NAALADL2: variants seen among roughly 807,000 people sequenced by gnomAD.
The protein encoded by NAALADL2 is inactive N-acetylated-alpha-linked acidic dipeptidase-like protein 2.
A neutral mutation model predicts 87.2 loss-of-function variants in NAALADL2; 76 were observed. The observed-to-expected ratio is 0.87, with a 90% CI of 0.72 to 1.05. NAALADL2 has a LOEUF of 1.05. Ranked by LOEUF, NAALADL2 falls within the 50% of genes least tolerant of loss-of-function variation. The pLI is 0.00. For missense variants in NAALADL2, 1,089 were observed against 945.8 expected (o/e 1.15, Z -1.99); for synonymous variants, 354 against 331.0 (o/e 1.07, Z -0.75).
chr3:175,445,388 C>T (rs1230009862), intron 5 of NAALADL2, among the ~76,000 whole-genome samples: 2 of 152,054 alleles, frequency 1.3e-5, no homozygotes, highest in African/African-American at 4.8e-5. Flanking sequence ...CCTTCTCCTC[C>T]TCTACCCTGT....
chr3:175,174,769 ATGTGTG>A (rs140644156), intron 2 of NAALADL2, among the ~76,000 whole-genome samples: 8 of 143,410 alleles, frequency 5.6e-5, no homozygotes, highest in African/African-American at 1.0e-4. Flanking sequence ...TATGCTATTC[ATGTGTG>A]TGTGTGTGTG....
In NAALADL2 at chr3:175,128,838, T is replaced by C. The variant is rs1052680224; in HGVS notation, c.545+31547T>C. On this transcript the variant is annotated intron_variant, in intron 2 of 13. Coordinates refer to ENST00000454872, the MANE Select transcript of NAALADL2 (RefSeq NM_207015.3). ...AAATTTATTAAATTTTATTTTTATTTAAAATATTTAACTCACAAAAAATGT... is the reference window on the plus strand; with the variant it reads ...AAATTTATTAAATTTTATTTTTATTCAAAATATTTAACTCACAAAAAATGT... 5.9e-5 allele frequency among the ~76,000 whole-genome samples: 9 copies of C among 152,152 alleles called. No homozygotes were observed. In the East Asian group the frequency reaches 1.7e-3, roughly 29 times the overall value.
intron 6 of NAALADL2, among the ~76,000 whole-genome samples, chr3:175,453,420 TG>T (rs1360439109): frequency 2.0e-5 from 3 of 152,134 alleles, no homozygotes; most frequent in African/African-American, 7.2e-5. Context: ...CTTGCATGTC[TG>T]TGTCTCTAAG....
At chr3:175,050,934 A>T (rs766323128) in intron 1 of NAALADL2, among the ~76,000 whole-genome samples, 11 of 152,234 alleles carry the variant, frequency 7.2e-5, no homozygotes, top group Non-Finnish European at 1.6e-4. Context: ...TGAAGAATAA[A>T]AAAAATAATA....
At chr3:174,791,721 T>A (rs73174750) in intron 3 of NAALADL2, among the ~76,000 whole-genome samples, 1,682 of 152,326 alleles carry the variant, frequency 0.011, 17 homozygotes, top group Non-Finnish European at 0.018. Flanking sequence ...TTAGCTTTTT[T>A]AAAATTGTGA....
chr3:174,933,008 T>C (rs1242244720), intron 1 of NAALADL2, among the ~76,000 whole-genome samples: 1 of 152,098 alleles, frequency 6.6e-6, no homozygotes, highest in Non-Finnish European at 1.5e-5. Flanking sequence ...TCCCAGCTAC[T>C]TGGGAGGCTG....
At chr3:174,794,911 C>G (rs1015584573) in intron 3 of NAALADL2, among the ~76,000 whole-genome samples, 4 of 138,486 alleles carry the variant, frequency 2.9e-5, no homozygotes, top group African/African-American at 1.1e-4. Context: ...AATGTACTTG[C>G]AAAAGACAAA....
intron 3 of NAALADL2, among the ~76,000 whole-genome samples, chr3:175,250,444 T>G (rs959498031): frequency 2.0e-5 from 3 of 152,168 alleles, no homozygotes; most frequent in Admixed American, 6.5e-5. Context: ...CCATCCAGCC[T>G]ATGGTATTTT....
chr3:174,705,818 C>T (rs971514185), intron 2 of NAALADL2, among the ~76,000 whole-genome samples: 20 of 151,394 alleles, frequency 1.3e-4, no homozygotes, highest in African/African-American at 4.8e-4. Flanking sequence ...TTCTGGGTCT[C>T]TTAAATTATC....
chr3:175,794,723 A>T (rs1430059059), intron 13 of NAALADL2, among the ~76,000 whole-genome samples: 1 of 152,242 alleles, frequency 6.6e-6, no homozygotes, highest in Non-Finnish European at 1.5e-5. Context: ...TATTTTAATT[A>T]TAAATGCAAA....
At chr3:174,739,944 G>A (rs1283336349) in intron 3 of NAALADL2, among the ~76,000 whole-genome samples, 6 of 152,008 alleles carry the variant, frequency 3.9e-5, no homozygotes. Flanking sequence ...TGAAATGTTA[G>A]CAGTTAAAGT....
intron 1 of NAALADL2, among the ~76,000 whole-genome samples, chr3:175,046,473 A>G (rs1299403772): frequency 6.6e-6 from 1 of 152,016 alleles, no homozygotes; most frequent in East Asian, 1.9e-4. Context: ...AAATAATATG[A>G]ATGTCTGGTT....
chr3:174,764,943 A>C (rs2109085692), intron 3 of NAALADL2, among the ~76,000 whole-genome samples: 1 of 152,306 alleles, frequency 6.6e-6, no homozygotes, highest in South Asian at 2.1e-4. Flanking sequence ...TTAGAGACAA[A>C]CATTGTTACA....
At chr3:175,787,636 G>A (rs368896782) in intron 13 of NAALADL2, among the ~76,000 whole-genome samples, 6 of 152,138 alleles carry the variant, frequency 3.9e-5, no homozygotes, top group Admixed American at 6.5e-5. Context: ...AGATGAACCC[G>A]GTACCTCAGA....
At chr3:174,870,060 TGTGA>T (rs36046078) in intron 1 of NAALADL2, among the ~76,000 whole-genome samples, 40,293 of 147,194 alleles carry the variant, frequency 0.27, 5,588 homozygotes, top group Admixed American at 0.32. Context: ...TTCACAGAGA[TGTGA>T]GTGAGTTTGT....
intron 1 of NAALADL2, among the ~76,000 whole-genome samples, chr3:174,948,424 G>A (rs145395432): frequency 0.032 from 4,812 of 152,190 alleles, 83 homozygotes; most frequent in South Asian, 0.044. Flanking sequence ...TGATCCACCC[G>A]CCTCGGCCTC....
rs182894676 is a variant in NAALADL2, at chr3:175,311,627, C to T, written c.940-12548C>T. ...ACCCTCTTTCCTTCCTTCTTCCCTC[C>T]CTCCCTTTATCCCTTCCTCTCTCCC... On this transcript the variant is annotated intron_variant, in intron 4 of 13. Transcript: ENST00000454872. 2.2e-4 allele frequency among the ~76,000 whole-genome samples: 33 copies of T among 151,100 alleles called. 1 individual carries two copies. The highest frequency in any genetic ancestry group is 7.3e-4 in the African/African-American group (30 of 41,116).
intron 1 of NAALADL2, among the ~76,000 whole-genome samples, chr3:174,962,330 G>C (rs1742126688): frequency 9.3e-6 from 1 of 107,944 alleles, no homozygotes; most frequent in Non-Finnish European, 2.0e-5. Flanking sequence ...TAACACCAAA[G>C]TATTGTTGTT....
intron 3 of NAALADL2, among the ~76,000 whole-genome samples, chr3:174,831,007 G>T (rs985361213): frequency 1.7e-4 from 25 of 150,664 alleles, no homozygotes; most frequent in African/African-American, 5.7e-4. Flanking sequence ...GAGATTTTGG[G>T]CTGAGACAAT....
Sources: gnomAD v4.1 joint callset for allele counts (sites outside exome capture counted in the v4.1 genomes callset) on GRCh38, gnomAD v4.1.1 for gene constraint, MANE v1.5 for transcripts, NCBI Gene and HGNC (gene_info 2026-07-23, HGNC 2026-07-21) for gene names.